SF1: variants seen among roughly 807,000 people sequenced by gnomAD.
The protein encoded by SF1 is branch point-binding protein.
A neutral mutation model predicts 62.5 loss-of-function variants in SF1; 7 were observed. The ratio of observed to expected loss-of-function variants is 0.11; its 90% CI spans 0.06 to 0.21. The LOEUF (loss-of-function observed/expected upper bound fraction) is 0.21. SF1 is among the 10% of genes least tolerant of loss of function. The pLI is 1.00. For synonymous variants in SF1, 394 were observed against 323.6 expected, an observed-to-expected ratio of 1.22 and a Z score of -2.33; for missense variants, 578 against 884.0, an observed-to-expected ratio of 0.65 and a Z score of 4.39.
intron 3 of SF1, chr11:64,773,106 G>A: frequency 2.6e-6 from 3 of 1,169,302 alleles, no homozygotes; most frequent in Non-Finnish European, 3.2e-6. Flanking sequence ...GCCAAAGCAG[G>A]TACTGAAAAG....
chr11:64,765,234 G>C lies in SF1; in HGVS notation c.*584C>G, dbSNP rs115615897. ...AAGGAGAACTGGAGAGAAGGGAAAG[G>C]AATCTAAATTGCAGCAGAAGACCGG... On this transcript the variant is annotated 3_prime_UTR_variant, in exon 13 of 13. Transcript: ENST00000377390. 405 of 467,534 alleles carry C rather than the reference G, an allele frequency of 8.7e-4. 2 individuals carry two copies. Among genetic ancestry groups the C allele is most frequent in the African/African-American group, 7.5e-3 (373 of 49,582 alleles). The allele number at this position is 467,534 out of a possible 1,614,324, so 29.0% of individuals were successfully genotyped here.
chr11:64,767,316 T>C, intron 10 of SF1, 65 bp from the exon 11 acceptor site: 1 of 1,485,270 alleles, frequency 6.7e-7, no homozygotes, highest in Middle Eastern at 1.7e-4. Context: ...GCCACCCCTG[T>C]GATAACCTCA....
chr11:64,766,437 T>C (rs2135881504), intron 12 of SF1: 3 of 477,304 alleles, frequency 6.3e-6, no homozygotes, highest in Non-Finnish European at 1.1e-5. Flanking sequence ...AGCTCTGATG[T>C]CCCTCCGCCC....
rs2277309 is a variant in SF1 at position 64,765,814 on chromosome 11, A to C, written c.*4T>G. 6 of 1,533,698 alleles carry C rather than the reference A, an allele frequency of 3.9e-6. No homozygotes were observed. The East Asian group carries it at 1.5e-4, about 38-fold the overall frequency. On this transcript the variant is annotated 3_prime_UTR_variant, in exon 13 of 13. Coordinates refer to ENST00000377390, the MANE Select transcript of SF1 (RefSeq NM_004630.4). ...TATAATATATATTTTCTTAAAAAACAAGTCTAGTTCTGTGGTGGAGGCGGT... is the reference window on the plus strand; with the variant it reads ...TATAATATATATTTTCTTAAAAAACCAGTCTAGTTCTGTGGTGGAGGCGGT...
In SF1 at chr11:64,767,747, C is replaced by A. The variant is rs2058787745; in HGVS notation, c.1166G>T (p.Gly389Val). ...YHGMHGGGPGGPGGGPHSFPH... is the reference protein window; with the variant it reads ...YHGMHGGGPGVPGGGPHSFPH... ...GAAGCTGTGGGGGCCACCTCCGGGC[C>A]CACCAGGACCACCTCCATGCATGCC... The change falls in exon 10 of 13, where the codon GGG (glycine) becomes GTG (valine). Residue 389 changes from glycine to valine, a missense_variant. Transcript: ENST00000377390. 1 of 1,613,028 alleles carries A rather than the reference C, an allele frequency of 6.2e-7. No homozygotes were observed. The highest frequency in any genetic ancestry group is 8.5e-7 in the Non-Finnish European group (1 of 1,179,522).
intron 12 of SF1, 140 bp downstream of exon 12, chr11:64,766,760 G>A: frequency 1.7e-6 from 1 of 580,242 alleles, no homozygotes; most frequent in Non-Finnish European, 2.8e-6. Flanking sequence ...CCCTGGACCA[G>A]GAGGCCCTTT....
chr11:64,771,884 C>T, intron 3 of SF1: 1 of 985,400 alleles, frequency 1.0e-6, no homozygotes, highest in South Asian at 4.7e-5. Flanking sequence ...CAAAACCAAT[C>T]AGGCATTAGG....
At position 64,767,314 on chromosome 11, in the gene SF1, T is replaced by G. The variant is rs1376725723; in HGVS notation, c.1343-63A>C. ...TGGAACTGGCCAGGGAAGCCACCCC[T>G]GTGATAACCTCAGTTGCTATCCTTA... On this transcript the variant is annotated intron_variant, in intron 10 of 12. Coordinates refer to ENST00000377390, the MANE Select transcript of SF1 (RefSeq NM_004630.4). 2.0e-6 allele frequency: 3 copies of G among 1,481,724 alleles called. No individual in the cohort carries two copies. In the African/African-American group the frequency reaches 4.3e-5, roughly 21 times the overall value. 91.8% of individuals were successfully genotyped at this position (1,481,724 alleles called of 1,614,324 possible).
chr11:64,766,306 GAGT>G, intron 12 of SF1, 151 bp from the exon 13 acceptor site: 2 of 393,846 alleles, frequency 5.1e-6, no homozygotes, highest in South Asian at 2.5e-5. Flanking sequence ...TGGTGATGGG[GAGT>G]GGAGGGGTGG....
intron 1 of SF1, chr11:64,777,686 C>A: frequency 1.0e-6 from 1 of 985,628 alleles, no homozygotes; most frequent in Non-Finnish European, 1.2e-6. Flanking sequence ...GTTCCCGACA[C>A]CAGCGGACTG....
In SF1 at chr11:64,770,160, G is replaced by A. The variant is rs1011541995; in HGVS notation, c.389+96C>T. 8.4e-6 allele frequency: 13 copies of A among 1,555,178 alleles called. No individual in the cohort carries two copies. The African/African-American group carries it at 9.5e-5, about 11-fold the overall frequency. On this transcript the variant is annotated intron_variant, in intron 4 of 12. Coordinates refer to ENST00000377390, the MANE Select transcript of SF1 (RefSeq NM_004630.4). Reference sequence around the variant, plus strand: ...CAAGTGCTAATTATGGGTGACTTGAGGCAAGAGGTGAGTAGTACCAATACT... The same window carrying A: ...CAAGTGCTAATTATGGGTGACTTGAAGCAAGAGGTGAGTAGTACCAATACT...
chr11:64,770,755 C>T (rs1241444731), intron 3 of SF1: 1 of 182,488 alleles, frequency 5.5e-6, no homozygotes, highest in Non-Finnish European at 1.2e-5. Flanking sequence ...GATTTTCTTC[C>T]ATTTGAAAAA....
At chr11:64,773,671 G>A (rs997126141) in intron 2 of SF1, among the ~76,000 whole-genome samples, 166 bp from the exon 3 acceptor site, 3 of 152,314 alleles carry the variant, frequency 2.0e-5, no homozygotes, top group South Asian at 2.1e-4. Context: ...CTATCGGCAG[G>A]AGTCCTTTTA....
intron 3 of SF1, chr11:64,772,660 C>G: frequency 1.0e-6 from 1 of 985,370 alleles, no homozygotes; most frequent in Non-Finnish European, 1.2e-6. Flanking sequence ...AATTAAATGA[C>G]CAATTTTAGC....
At chr11:64,778,189 C>G (rs1444384054) in intron 1 of SF1, 173 bp downstream of exon 1, 3 of 1,027,708 alleles carry the variant, frequency 2.9e-6, no homozygotes, top group Non-Finnish European at 3.7e-6. Context: ...GCGGCGGAGG[C>G]AGCGCCGCGA....
chr11:64,777,953 G>A, intron 1 of SF1: 1 of 986,804 alleles, frequency 1.0e-6, no homozygotes, highest in Non-Finnish European at 1.2e-6. Flanking sequence ...GCCCGTCCGC[G>A]CGACGCCTCT....
Position 64,765,685 on chromosome 11 carries a change from G to GCA in SF1, c.*131_*132dup, listed in dbSNP as rs139398403. ...AGTCGCTTGGCCCAGCCCAGTGCGT[G>GCA]CACACACACACATGCGTGCACACAC... On this transcript the variant is annotated 3_prime_UTR_variant, in exon 13 of 13. Transcript: ENST00000377390. The GCA allele has an allele frequency of 9.5e-6, 14 of 1,466,974 alleles. No individual in the cohort carries two copies. The highest frequency in any genetic ancestry group is 8.6e-5 in the South Asian group (6 of 70,008). The allele number at this position is 1,466,974 out of a possible 1,614,324, so 90.9% of individuals were successfully genotyped here. A position where few individuals can be genotyped will look rare whatever the true frequency, so the allele number is the denominator to read the frequency against.
rs759785113 is a variant in SF1 at position 64,767,208 on chromosome 11, G to A, written c.1386C>T (p.Arg462=). ...GSTPVGSGVY[R]LHQGKGMMPP... Reference sequence around the variant, plus strand: ...AGCCATTACCTTTTCCTTGATGCAGGCGATAGACCCCAGAGCCCACAGGCG... The same window carrying A: ...AGCCATTACCTTTTCCTTGATGCAGACGATAGACCCCAGAGCCCACAGGCG... Residue 462 remains arginine, a synonymous_variant, in exon 11 of 13, where the codon CGC becomes CGT. Coordinates refer to ENST00000377390, the MANE Select transcript of SF1 (RefSeq NM_004630.4). The A allele has an allele frequency of 1.2e-6, 2 of 1,614,036 alleles. No individual in the cohort carries two copies. The highest frequency in any genetic ancestry group is 1.7e-6 in the Non-Finnish European group (2 of 1,179,958).
rs759814535 is a variant in SF1, at chr11:64,767,715, G to T, written c.1198C>A (p.Pro400Thr). Reference protein sequence around the residue: ...PGGGPHSFPHPLPSLTGGHGG... With the variant: ...PGGGPHSFPHTLPSLTGGHGG... ...TGCCCACCTGTCAGGCTGGGTAATGGGTGTGGGAAGCTGTGGGGGCCACCT... is the reference window on the plus strand; with the variant it reads ...TGCCCACCTGTCAGGCTGGGTAATGTGTGTGGGAAGCTGTGGGGGCCACCT... Residue 400 changes from proline to threonine, a missense_variant, in exon 10 of 13, where the codon CCA becomes ACA. Pro to Thr is a conservative substitution (Grantham distance 38). This residue lies in a region of SF1 where 410 missense variants were observed against 452.4 expected (regional missense o/e 0.91). Transcript: ENST00000377390. 6 of 1,612,892 alleles carry T rather than the reference G, an allele frequency of 3.7e-6. No individual in the cohort carries two copies. The East Asian group carries it at 1.3e-4, about 36-fold the overall frequency.
Sources: gnomAD v4.1 joint callset for allele counts (sites outside exome capture counted in the v4.1 genomes callset) on GRCh38, gnomAD v4.1.1 for gene constraint, gnomAD v4.1.1 regional missense constraint, MANE v1.5 for transcripts, NCBI Gene and HGNC (gene_info 2026-07-23, HGNC 2026-07-21) for gene names.